BCAS3: variants seen among roughly 807,000 people sequenced by gnomAD.
The protein encoded by BCAS3 is BCAS4/BCAS3 fusion.
Under a neutral mutation model 116.1 loss-of-function variants are expected in BCAS3, and 53 were observed. The observed-to-expected ratio is 0.46, with a 90% CI of 0.37 to 0.57. The LOEUF is 0.57. Among genes scored for constraint, BCAS3 ranks in the 20% least tolerant of loss-of-function variants. BCAS3 has a pLI of 0.00. For missense variants in BCAS3, 917 were observed against 1,165.4 expected, an observed-to-expected ratio of 0.79 and a Z score of 3.10; for synonymous variants, 391 against 408.2, an observed-to-expected ratio of 0.96 and a Z score of 0.51.
Position 60,888,517 on chromosome 17 carries a change from A to C in BCAS3, c.662-1178A>C, listed in dbSNP as rs753037238. Among the ~76,000 whole-genome samples the C allele has an allele frequency of 1.7e-3, 262 of 152,310 alleles. 1 individual carries two copies. Among genetic ancestry groups the C allele is most frequent in the Middle Eastern group, 6.8e-3 (2 of 294 alleles). On this transcript the variant is annotated intron_variant, in intron 9 of 23. Coordinates refer to ENST00000407086, the MANE Select transcript of BCAS3 (RefSeq NM_017679.5). ...CATACTCATATAAAATTATATTTTT[A>C]ATGAATAAGATTAATCTATTCAATG...
chr17:60,773,774 A>G (rs974065024), intron 6 of BCAS3, among the ~76,000 whole-genome samples: 1 of 152,074 alleles, frequency 6.6e-6, no homozygotes, highest in Non-Finnish European at 1.5e-5. Context: ...CAGTGTCCCA[A>G]GTAGTTGGGA....
Position 61,325,844 on chromosome 17 carries a change from A to G in BCAS3, c.2426-42483A>G, listed in dbSNP as rs114336369. On this transcript the variant is annotated intron_variant, in intron 22 of 23. Transcript: ENST00000407086. This position sits in a 1 kb window ranked among gnomAD's most constrained non-coding sequence, Gnocchi z 6.4. ...ACAGGATAGGGTGGTCCCTGGGGACAGTCATCTGGGACCCAGTCATGCTGA... is the reference window on the plus strand; with the variant it reads ...ACAGGATAGGGTGGTCCCTGGGGACGGTCATCTGGGACCCAGTCATGCTGA... 0.01 allele frequency among the ~76,000 whole-genome samples: 1,565 copies of G among 152,252 alleles called. 42 individuals carry two copies. The highest frequency in any genetic ancestry group is 0.035 in the African/African-American group (1,472 of 41,546).
intron 22 of BCAS3, among the ~76,000 whole-genome samples, chr17:61,338,884 C>T (rs1168239768): frequency 1.1e-5 from 1 of 90,856 alleles, no homozygotes; most frequent in Admixed American, 1.7e-4. Context: ...GGTGCCCTTA[C>T]TGGGAAAAAA....
chr17:60,925,086 A>AT (rs1174683346), intron 13 of BCAS3, among the ~76,000 whole-genome samples: 3 of 151,150 alleles, frequency 2.0e-5, no homozygotes, highest in Admixed American at 6.6e-5. Context: ...TTATTTTACT[A>AT]TTTTTTTAAA....
chr17:61,322,234 C>G (rs1172337170), intron 22 of BCAS3, among the ~76,000 whole-genome samples: 1 of 152,178 alleles, frequency 6.6e-6, no homozygotes, highest in Non-Finnish European at 1.5e-5. Flanking sequence ...ACACCCGGCC[C>G]CACTTATTTC....
At position 61,228,544 on chromosome 17, in the gene BCAS3, C is replaced by T. The variant is rs193040978; in HGVS notation, c.2426-139783C>T. ...TTTTTCTAACAGCATGTGCTCACTT[C>T]GTGTCTCTGTGTCATACTATGGTAA... On this transcript the variant is annotated intron_variant, in intron 22 of 23. Coordinates refer to ENST00000407086, the MANE Select transcript of BCAS3 (RefSeq NM_017679.5). This position sits in a 1 kb window ranked among gnomAD's most constrained non-coding sequence, Gnocchi z 5.0. 2.9e-3 allele frequency among the ~76,000 whole-genome samples: 438 copies of T among 152,256 alleles called. 1 individual carries two copies. The highest frequency in any genetic ancestry group is 0.017 in the Middle Eastern group (5 of 294).
At chr17:60,899,520 T>A (rs1272968379) in intron 10 of BCAS3, among the ~76,000 whole-genome samples, 1 of 152,004 alleles carries the variant, frequency 6.6e-6, no homozygotes, top group Non-Finnish European at 1.5e-5. Context: ...TTTCCTGAGA[T>A]GGAGTCTCGC....
chr17:60,935,974 A>G (rs1015036692), intron 13 of BCAS3, among the ~76,000 whole-genome samples: 1 of 151,892 alleles, frequency 6.6e-6, no homozygotes, highest in Admixed American at 6.6e-5. Context: ...GTCATTTAAC[A>G]TTAAGTATAT....
At position 61,326,417 on chromosome 17, in the gene BCAS3, C is replaced by T. The variant is rs1380294560; in HGVS notation, c.2426-41910C>T. On this transcript the variant is annotated intron_variant, in intron 22 of 23. Transcript: ENST00000407086. This position sits in a 1 kb window ranked among gnomAD's most constrained non-coding sequence, Gnocchi z 5.3. ...CTGCTCATGTGGACTTTAGTTTTAT[C>T]CTAAATGAGAAGCATGTTTTCAGCA... Among the ~76,000 whole-genome samples, 7 of 152,114 alleles carry T rather than the reference C, an allele frequency of 4.6e-5. No homozygotes were observed. The highest frequency in any genetic ancestry group is 6.5e-5 in the Admixed American group (1 of 15,274).
chr17:60,988,338 CTTTTT>C (rs71148317), intron 14 of BCAS3, among the ~76,000 whole-genome samples: 13 of 66,782 alleles, frequency 1.9e-4, no homozygotes, highest in African/African-American at 6.7e-4. Flanking sequence ...TTTTCTTTTT[CTTTTT>C]TTTTTTTTTT....
intron 22 of BCAS3, among the ~76,000 whole-genome samples, chr17:61,231,482 A>G (rs2082676281): frequency 6.6e-6 from 1 of 152,178 alleles, no homozygotes; most frequent in Non-Finnish European, 1.5e-5. Context: ...AAGTCATACC[A>G]TGAAGTACAA....
chr17:60,699,134 C>G (rs1568041811), intron 4 of BCAS3, among the ~76,000 whole-genome samples: 1 of 152,090 alleles, frequency 6.6e-6, no homozygotes, highest in Non-Finnish European at 1.5e-5. Context: ...ATAAATAAAA[C>G]AGAATTGATA....
In BCAS3 at chr17:61,224,913, G is replaced by A. The variant is rs935427402; in HGVS notation, c.2425+140349G>A. On this transcript the variant is annotated intron_variant, in intron 22 of 23. Transcript: ENST00000407086. The surrounding 1 kb of genome is among the most constrained non-coding windows in gnomAD (Gnocchi z 5.7). ...GAACTGCACAGATCTAGAACATTTGGAACCCATTCTTCTGTTCTCCTGTCT... is the reference window on the plus strand; with the variant it reads ...GAACTGCACAGATCTAGAACATTTGAAACCCATTCTTCTGTTCTCCTGTCT... 6.6e-6 allele frequency among the ~76,000 whole-genome samples: 1 copy of A among 152,130 alleles called. No homozygotes were observed. Among genetic ancestry groups the A allele is most frequent in the Non-Finnish European group, 1.5e-5 (1 of 68,034 alleles).
At chr17:60,761,652 G>T (rs564831666) in intron 6 of BCAS3, among the ~76,000 whole-genome samples, 40 of 152,222 alleles carry the variant, frequency 2.6e-4, no homozygotes, top group Non-Finnish European at 2.6e-4. Context: ...TGTGAGTAGT[G>T]CCGCAATAAA....
At chr17:61,108,955 A>C (rs1419388272) in intron 22 of BCAS3, among the ~76,000 whole-genome samples, 1 of 152,122 alleles carries the variant, frequency 6.6e-6, no homozygotes, top group African/African-American at 2.4e-5. Context: ...TAGGTGGCTG[A>C]GGTGGGCGGA....
At chr17:60,774,910 T>C (rs534190872) in intron 6 of BCAS3, among the ~76,000 whole-genome samples, 13 of 152,336 alleles carry the variant, frequency 8.5e-5, no homozygotes, top group African/African-American at 3.1e-4. Flanking sequence ...TTTTTATATA[T>C]TTTATCTGTT....
rs555866262 is a variant in BCAS3 at position 60,904,394 on chromosome 17, ACT to A, written c.822+1694_822+1695del. On this transcript the variant is annotated intron_variant, in intron 11 of 23. Coordinates refer to ENST00000407086, the MANE Select transcript of BCAS3 (RefSeq NM_017679.5). Reference sequence around the variant, plus strand: ...ACTCCAGCCTGGGCGACACAGCGAGACTCTGTCTCAAAACAAACAAACAAACA... The same window carrying A: ...ACTCCAGCCTGGGCGACACAGCGAGACTGTCTCAAAACAAACAAACAAACA... 5.1e-4 allele frequency among the ~76,000 whole-genome samples: 77 copies of A among 149,910 alleles called. 1 individual carries two copies. The East Asian group carries it at 9.9e-3, about 19-fold the overall frequency.
At chr17:60,856,229 T>C (rs1296870470) in intron 7 of BCAS3, among the ~76,000 whole-genome samples, 1 of 152,182 alleles carries the variant, frequency 6.6e-6, no homozygotes, top group Non-Finnish European at 1.5e-5. Flanking sequence ...TAATGAAGAC[T>C]CAACCTCCTA....
In BCAS3 at chr17:61,077,043, A is replaced by T. The variant is rs1261870449; in HGVS notation, c.2131-1290A>T. Among the ~76,000 whole-genome samples, 7 of 152,162 alleles carry T rather than the reference A, an allele frequency of 4.6e-5. No individual in the cohort carries two copies. The highest frequency in any genetic ancestry group is 8.8e-5 in the Non-Finnish European group (6 of 68,034). ...CAAAAATAAGGCATGTGGGAAGTCAATTACATAAAGTATTTGCACAGGCAT... is the reference window on the plus strand; with the variant it reads ...CAAAAATAAGGCATGTGGGAAGTCATTTACATAAAGTATTTGCACAGGCAT... On this transcript the variant is annotated intron_variant, in intron 20 of 23. Coordinates refer to ENST00000407086, the MANE Select transcript of BCAS3 (RefSeq NM_017679.5). The surrounding 1 kb of genome is among the most constrained non-coding windows in gnomAD (Gnocchi z 4.3).
Sources: gnomAD v4.1 joint callset for allele counts (sites outside exome capture counted in the v4.1 genomes callset) on GRCh38, gnomAD v4.1.1 for gene constraint, Gnocchi (gnomAD v3.1) non-coding constraint, MANE v1.5 for transcripts, NCBI Gene and HGNC (gene_info 2026-07-23, HGNC 2026-07-21) for gene names.